The following ZNF487 variants were observed in gnomAD, a reference collection of about 807,000 sequenced individuals.
The protein encoded by ZNF487 is zinc finger protein 487, also known as KRAB domain only 1.
In ZNF487, 4 loss-of-function variants were observed where a neutral mutation model predicts 3.0. The observed-to-expected ratio is 1.35, with a 90% CI of 0.66 to 3.08. The LOEUF (loss-of-function observed/expected upper bound fraction) is 3.08, where lower values mean the gene tolerates loss of function less well. Ranked by LOEUF, ZNF487 falls within the 30% of genes most tolerant of loss-of-function variation. The pLI is 0.01. For missense variants in ZNF487, 146 were observed against 98.7 expected, an observed-to-expected ratio of 1.48 and a Z score of -2.03; for synonymous variants, 55 against 34.6, an observed-to-expected ratio of 1.59 and a Z score of -2.06.
downstream of ZNF487, among the ~76,000 whole-genome samples, chr10:43,486,473 C>T (rs1247234158): frequency 6.6e-6 from 1 of 151,858 alleles, no homozygotes; most frequent in Non-Finnish European, 1.5e-5. Context: ...TTGCGGTGAG[C>T]CGAGATTGCG....
intron 1 of ZNF487, among the ~76,000 whole-genome samples, chr10:43,445,833 G>A (rs1015560472): frequency 4.6e-5 from 7 of 152,116 alleles, no homozygotes; most frequent in Admixed American, 4.6e-4. Flanking sequence ...GCGGCCTTCC[G>A]CAGTGTTTGT....
At chr10:43,470,910 C>T (rs1840884521) in intron 1 of ZNF487, among the ~76,000 whole-genome samples, 1 of 151,936 alleles carries the variant, frequency 6.6e-6, no homozygotes, top group Non-Finnish European at 1.5e-5. Flanking sequence ...GCCTCGACAT[C>T]CTGGGCTCAG....
At chr10:43,496,037 G>A in the ZNF487 span, 80 of 533,978 alleles carry the variant, frequency 1.5e-4, no homozygotes, top group Admixed American at 3.7e-4. Flanking sequence ...GCTCAAGGAC[G>A]TGACTGTGGA....
the ZNF487 span, among the ~76,000 whole-genome samples, chr10:43,508,864 A>T: frequency 5.9e-5 from 9 of 151,294 alleles, no homozygotes; most frequent in African/African-American, 2.2e-4. Context: ...ATAAATAAAT[A>T]AAATTAAATA....
chr10:43,498,364 C>T, the ZNF487 span, among the ~76,000 whole-genome samples: 1 of 146,558 alleles, frequency 6.8e-6, no homozygotes, highest in Admixed American at 6.9e-5. Context: ...CTGCAACTTC[C>T]GCCTCCCGGG....
intron 1 of ZNF487, among the ~76,000 whole-genome samples, chr10:43,471,750 C>T (rs922400770): frequency 2.0e-5 from 3 of 152,142 alleles, no homozygotes; most frequent in Non-Finnish European, 4.4e-5. Context: ...ACTGTCTCCC[C>T]CTCTACTGAC....
At chr10:43,515,673 A>C in the ZNF487 span, among the ~76,000 whole-genome samples, 1 of 152,108 alleles carries the variant, frequency 6.6e-6, no homozygotes, top group Non-Finnish European at 1.5e-5. Flanking sequence ...GTTTTTCCAC[A>C]ATTTTCGCTC....
chr10:43,437,064 C>T (rs1201260758), upstream of ZNF487: 2 of 308,894 alleles, frequency 6.5e-6, no homozygotes, highest in South Asian at 2.3e-5. Flanking sequence ...GCTGGACTGG[C>T]GGGCGCCCGG....
At chr10:43,472,779 T>G (rs1012786221) in intron 1 of ZNF487, among the ~76,000 whole-genome samples, 1 of 152,172 alleles carries the variant, frequency 6.6e-6, no homozygotes, top group Non-Finnish European at 1.5e-5. Context: ...AATGTGCCCT[T>G]TTCCTGGAGT....
chr10:43,488,072 A>G (rs1841485494), downstream of ZNF487, among the ~76,000 whole-genome samples: 1 of 151,912 alleles, frequency 6.6e-6, no homozygotes, highest in Admixed American at 6.6e-5. Context: ...ACTGCACTCC[A>G]GCCTGGGTGA....
downstream of ZNF487, among the ~76,000 whole-genome samples, chr10:43,484,992 G>A (rs1322824470): frequency 6.6e-6 from 1 of 152,200 alleles, no homozygotes; most frequent in African/African-American, 2.4e-5. Flanking sequence ...ACACAATCTG[G>A]TCATAGAGAT....
At chr10:43,498,090 TA>T in the ZNF487 span, among the ~76,000 whole-genome samples, 3 of 16,748 alleles carry the variant, frequency 1.8e-4, no homozygotes, top group African/African-American at 8.2e-4. Flanking sequence ...TATATATATA[TA>T]TATATATATT....
intron 1 of ZNF487, among the ~76,000 whole-genome samples, chr10:43,464,780 G>T (rs1288391909): frequency 1.3e-5 from 2 of 152,226 alleles, no homozygotes; most frequent in African/African-American, 4.8e-5. Flanking sequence ...TTTCTACACA[G>T]ACACAGCAAC....
the ZNF487 span, among the ~76,000 whole-genome samples, chr10:43,494,765 C>CAAAAAAAAAA: frequency 1.0e-3 from 36 of 35,724 alleles, 1 homozygote; most frequent in East Asian, 2.1e-3. Context: ...ACTAAAAATA[C>CAAAAAAAAAA]AAAAAAAAAA....
chr10:43,455,575 A>G (rs903576525), intron 1 of ZNF487, among the ~76,000 whole-genome samples: 2 of 152,114 alleles, frequency 1.3e-5, no homozygotes, highest in Non-Finnish European at 2.9e-5. Context: ...GGGCGGGGCG[A>G]GGCGAGGTTG....
intron 1 of ZNF487, among the ~76,000 whole-genome samples, chr10:43,471,397 G>C (rs754417366): frequency 6.6e-6 from 1 of 152,180 alleles, no homozygotes; most frequent in African/African-American, 2.4e-5. Context: ...TAGTTTTGCT[G>C]TCTGCAGACA....
the ZNF487 span, among the ~76,000 whole-genome samples, chr10:43,491,154 A>G: frequency 6.6e-6 from 1 of 150,632 alleles, no homozygotes; most frequent in Non-Finnish European, 1.5e-5. Flanking sequence ...TTGTATTTTT[A>G]GTAGAGACGG....
chr10:43,503,347 T>C, the ZNF487 span, among the ~76,000 whole-genome samples: 3 of 152,202 alleles, frequency 2.0e-5, no homozygotes. Flanking sequence ...TTTGTACAGC[T>C]ATACAATGAT....
chr10:43,518,173 C>T, the ZNF487 span, among the ~76,000 whole-genome samples: 1 of 152,202 alleles, frequency 6.6e-6, no homozygotes, highest in Non-Finnish European at 1.5e-5. Flanking sequence ...AATACAGGAC[C>T]TCACCTGAAC....
Sources: allele counts gnomAD v4.1 joint callset (sites outside exome capture counted in the v4.1 genomes callset), GRCh38; gene constraint gnomAD v4.1.1; transcripts MANE v1.5; gene names NCBI Gene and HGNC (gene_info 2026-07-23, HGNC 2026-07-21).